DST: variants seen among roughly 807,000 people sequenced by gnomAD.
DST encodes the protein bullous pemphigoid antigen.
Under a neutral mutation model 875.2 loss-of-function variants are expected in DST, and 253 were observed. That is an observed-to-expected ratio of 0.29 (90% CI 0.26 to 0.32). The LOEUF is 0.32. Among genes scored for constraint, DST ranks in the 10% least tolerant of loss-of-function variants. The pLI is 1.00. For synonymous variants in DST, 3,124 were observed against 3,197.1 expected, an observed-to-expected ratio of 0.98 and a Z score of 0.77; for missense variants, 8,287 against 9,111.6, an observed-to-expected ratio of 0.91 and a Z score of 3.68.
intron 3 of DST, among the ~76,000 whole-genome samples, chr6:56,873,232 A>C (rs1778180870): frequency 6.6e-6 from 1 of 152,100 alleles, no homozygotes; most frequent in Non-Finnish European, 1.5e-5. Flanking sequence ...TCCTCACATA[A>C]TCTGGTTATT....
At chr6:56,665,473 T>C (rs1009558881) in intron 10 of DST, among the ~76,000 whole-genome samples, 2 of 152,112 alleles carry the variant, frequency 1.3e-5, no homozygotes, top group Non-Finnish European at 2.9e-5. Flanking sequence ...ATCACAGTTG[T>C]TCTGATCAAC....
Position 56,472,147 on chromosome 6 carries a change from T to C in DST, c.22070A>G (p.Asn7357Ser), listed in dbSNP as rs745742969. Residue 7357 changes from asparagine (N) to serine (S), a missense_variant, in exon 94 of 104, where the codon AAC (asparagine) becomes AGC (serine). Transcript: ENST00000680361. ...TTGCTGCCATTTGCTCACCAGTAAG[T>C]TTACCCTAGGATTTTTGGTTTCAAT... ...TQIETKNPRVNLLVSKWQQVW... is the reference protein window; with the variant it reads ...TQIETKNPRVSLLVSKWQQVW... The C allele has an allele frequency of 3.1e-6, 5 of 1,613,800 alleles. No homozygotes were observed. The African/African-American group carries it at 4.0e-5, about 13-fold the overall frequency.
chr6:56,628,227 G>A, intron 32 of DST, 66 bp from the exon 33 acceptor site: 10 of 1,376,800 alleles, frequency 7.3e-6, no homozygotes, highest in Non-Finnish European at 9.3e-6. Flanking sequence ...GGAAGATGTA[G>A]AGATGGGAGA....
At chr6:56,938,108 CTATATA>C (rs3031114) in intron 2 of DST, among the ~76,000 whole-genome samples, 1,507 of 120,628 alleles carry the variant, frequency 0.012, 19 homozygotes, top group African/African-American at 0.015. Flanking sequence ...CTCTCTCTCT[CTATATA>C]TATATATATA....
At chr6:56,828,502 C>T (rs2099783449) in intron 4 of DST, among the ~76,000 whole-genome samples, 1 of 152,174 alleles carries the variant, frequency 6.6e-6, no homozygotes, top group Non-Finnish European at 1.5e-5. Context: ...TTTGCTATTG[C>T]TTCACTTTTT....
At chr6:56,768,360 C>T (rs2099639745) in intron 4 of DST, among the ~76,000 whole-genome samples, 1 of 152,096 alleles carries the variant, frequency 6.6e-6, no homozygotes, top group African/African-American at 2.4e-5. Context: ...ACCAAAGGAA[C>T]ATAACAGAGG....
chr6:56,716,685 A>C (rs912033630), intron 5 of DST, among the ~76,000 whole-genome samples: 1 of 152,210 alleles, frequency 6.6e-6, no homozygotes, highest in Non-Finnish European at 1.5e-5. Context: ...CAACCCCACC[A>C]AACTGGGCAG....
intron 10 of DST, among the ~76,000 whole-genome samples, chr6:56,658,442 G>A (rs936768720): frequency 6.6e-6 from 1 of 152,136 alleles, no homozygotes; most frequent in Non-Finnish European, 1.5e-5. Context: ...CTGGAAATGT[G>A]TATGAGTATG....
chr6:56,818,498 T>C (rs1356448985), intron 4 of DST, among the ~76,000 whole-genome samples: 3 of 152,192 alleles, frequency 2.0e-5, no homozygotes, highest in African/African-American at 7.2e-5. Context: ...ACCTTTTCCA[T>C]AGTAAACACC....
intron 3 of DST, among the ~76,000 whole-genome samples, chr6:56,879,605 A>G (rs927007819): frequency 1.3e-5 from 2 of 152,246 alleles, no homozygotes; most frequent in Non-Finnish European, 2.9e-5. Flanking sequence ...TTTTGCATAC[A>G]TCCATATTCA....
At chr6:56,637,566 C>A (rs2152772584) in intron 22 of DST, among the ~76,000 whole-genome samples, 1 of 152,104 alleles carries the variant, frequency 6.6e-6, no homozygotes, top group South Asian at 2.1e-4. Context: ...TGTGTACTCC[C>A]AAATTGGTGT....
At chr6:56,721,058 A>G (rs1188631688) in intron 5 of DST, among the ~76,000 whole-genome samples, 6 of 147,768 alleles carry the variant, frequency 4.1e-5, no homozygotes, top group Non-Finnish European at 9.0e-5. Flanking sequence ...GCTGCCGGGC[A>G]GGGGCGCCCC....
intron 5 of DST, among the ~76,000 whole-genome samples, chr6:56,706,611 G>C (rs1293542818): frequency 1.3e-5 from 2 of 152,178 alleles, no homozygotes; most frequent in African/African-American, 4.8e-5. Context: ...AGATGCAGGG[G>C]AGGGTGGTTT....
Position 56,605,891 on chromosome 6 carries a change from G to T in DST, c.8737C>A (p.His2913Asn). The change falls in exon 40 of 104, where the codon CAT (histidine) becomes AAT (asparagine). Residue 2913 changes from histidine (H) to asparagine (N), a missense_variant. By Grantham distance (68) the His-to-Asn change is moderately conservative (BLOSUM62 1). Coordinates refer to ENST00000680361, the MANE Select transcript of DST (RefSeq NM_001374736.1). The part of the protein sequence containing the change: ...AGKSKENLLN[H>N]EMVLKDVLPP... ...AATACATCCTTAAGTACCATCTCATGGTTCAACAGATTTTCTTTGCTTTTT... is the reference window on the plus strand; with the variant it reads ...AATACATCCTTAAGTACCATCTCATTGTTCAACAGATTTTCTTTGCTTTTT... 2 of 1,612,636 alleles carry T rather than the reference G, an allele frequency of 1.2e-6. No individual in the cohort carries two copies. Among genetic ancestry groups the T allele is most frequent in the South Asian group, 1.1e-5 (1 of 91,018 alleles).
At chr6:56,899,786 G>C (rs1448472287) in intron 3 of DST, among the ~76,000 whole-genome samples, 1 of 152,254 alleles carries the variant, frequency 6.6e-6, no homozygotes, top group African/African-American at 2.4e-5. Context: ...CAGGATGTGA[G>C]AAGGGGATGA....
At chr6:56,537,959 T>C (rs1000682218) in intron 61 of DST, among the ~76,000 whole-genome samples, 3 of 152,152 alleles carry the variant, frequency 2.0e-5, no homozygotes, top group African/African-American at 7.2e-5. Flanking sequence ...CCTTAACAGA[T>C]AATACTGGGA....
At chr6:56,582,472 T>C (rs2098025316) in intron 49 of DST, among the ~76,000 whole-genome samples, 1 of 152,156 alleles carries the variant, frequency 6.6e-6, no homozygotes, top group African/African-American at 2.4e-5. Flanking sequence ...CCTTGCACCA[T>C]GAGTAAAAGT....
chr6:56,630,740 T>C (rs1242119780), intron 30 of DST, among the ~76,000 whole-genome samples: 1 of 152,074 alleles, frequency 6.6e-6, no homozygotes, highest in Non-Finnish European at 1.5e-5. Flanking sequence ...GCACATCCAC[T>C]ATCAACATAG....
At chr6:56,532,139 T>A (rs1300722427) in intron 64 of DST, among the ~76,000 whole-genome samples, 1 of 152,166 alleles carries the variant, frequency 6.6e-6, no homozygotes, top group Non-Finnish European at 1.5e-5. Flanking sequence ...GAAATGCTTG[T>A]CTTAAAAAGT....
Sources: allele counts gnomAD v4.1 joint callset (sites outside exome capture counted in the v4.1 genomes callset), GRCh38; gene constraint gnomAD v4.1.1; transcripts MANE v1.5; gene names NCBI Gene and HGNC (gene_info 2026-07-23, HGNC 2026-07-21).